Variants in CNTNAP2 observed in about 807,000 individuals in gnomAD.
CNTNAP2 encodes contactin associated protein 2.
In CNTNAP2, 98 loss-of-function variants were observed where a neutral mutation model predicts 155.2. The observed-to-expected ratio is 0.63, with a 90% CI of 0.54 to 0.75. The LOEUF (loss-of-function observed/expected upper bound fraction) is 0.75. CNTNAP2 is among the 30% of genes least tolerant of loss of function. CNTNAP2 has a pLI of 0.00. For synonymous variants in CNTNAP2, 651 were observed against 631.2 expected (o/e 1.03, Z -0.47); for missense variants, 1,727 against 1,688.1 (o/e 1.02, Z -0.40).
intron 13 of CNTNAP2, among the ~76,000 whole-genome samples, chr7:147,720,103 C>T (rs1270880996): frequency 1.3e-5 from 2 of 152,072 alleles, no homozygotes; most frequent in Non-Finnish European, 2.9e-5. Context: ...CCAAGATTCA[C>T]GTTTTATAAA....
intron 13 of CNTNAP2, among the ~76,000 whole-genome samples, chr7:147,854,458 T>C (rs957758450): frequency 7.2e-5 from 11 of 152,166 alleles, no homozygotes; most frequent in Non-Finnish European, 1.0e-4. Flanking sequence ...TCTTGTGACA[T>C]AGGCCCTTCA....
intron 16 of CNTNAP2, among the ~76,000 whole-genome samples, chr7:148,136,296 A>G (rs1804947330): frequency 6.6e-6 from 1 of 152,052 alleles, no homozygotes; most frequent in Admixed American, 6.6e-5. Context: ...CCTAGTGGAC[A>G]GTATTTGGGT....
At chr7:147,787,048 T>C (rs892688406) in intron 13 of CNTNAP2, among the ~76,000 whole-genome samples, 2 of 151,500 alleles carry the variant, frequency 1.3e-5, no homozygotes, top group African/African-American at 4.9e-5. Context: ...GACAAGACAG[T>C]AGAAAGATTT....
intron 9 of CNTNAP2, among the ~76,000 whole-genome samples, chr7:147,316,995 C>T (rs1266135027): frequency 1.3e-5 from 2 of 152,174 alleles, no homozygotes; most frequent in African/African-American, 4.8e-5. Context: ...TGTGCCATTG[C>T]CCTCCATCCA....
intron 8 of CNTNAP2, among the ~76,000 whole-genome samples, chr7:147,153,476 G>A (rs983442619): frequency 6.6e-6 from 1 of 152,062 alleles, no homozygotes; most frequent in African/African-American, 2.4e-5. Flanking sequence ...TAACAAAGGT[G>A]ATAAACCCAT....
intron 13 of CNTNAP2, among the ~76,000 whole-genome samples, chr7:147,880,854 GGTGTGTGTGT>G (rs71183032): frequency 2.7e-4 from 38 of 143,168 alleles, no homozygotes; most frequent in Admixed American, 6.3e-4. Context: ...ATTGGAGTTG[GGTGTGTGTGT>G]GTGTGTGTGT....
chr7:146,966,608 A>G (rs1269951065), intron 3 of CNTNAP2, among the ~76,000 whole-genome samples: 1 of 152,218 alleles, frequency 6.6e-6, no homozygotes, highest in Admixed American at 6.5e-5. Context: ...TCCTACAGAC[A>G]AATGATTCTT....
intron 11 of CNTNAP2, among the ~76,000 whole-genome samples, chr7:147,501,039 C>T (rs1798801477): frequency 6.6e-6 from 1 of 151,984 alleles, no homozygotes; most frequent in Admixed American, 6.6e-5. Context: ...ACACCAAGAT[C>T]AACTGGGATT....
At chr7:147,411,724 A>C (rs1188023084) in intron 10 of CNTNAP2, among the ~76,000 whole-genome samples, 1 of 152,120 alleles carries the variant, frequency 6.6e-6, no homozygotes, top group Non-Finnish European at 1.5e-5. Flanking sequence ...ATCATATCTC[A>C]TTAGCCAGAT....
At chr7:148,386,670 T>C (rs1799203457) in intron 22 of CNTNAP2, among the ~76,000 whole-genome samples, 1 of 152,178 alleles carries the variant, frequency 6.6e-6, no homozygotes, top group Admixed American at 6.5e-5. Flanking sequence ...GGAAGGTTAC[T>C]TAACAGCAGC....
chr7:146,952,764 C>G (rs1212165006), intron 3 of CNTNAP2, among the ~76,000 whole-genome samples: 1 of 151,946 alleles, frequency 6.6e-6, no homozygotes, highest in South Asian at 2.1e-4. Flanking sequence ...AACCACAGCT[C>G]AAGGAAATAA....
chr7:147,064,442 G>A (rs1277730334), intron 4 of CNTNAP2, among the ~76,000 whole-genome samples: 3 of 152,108 alleles, frequency 2.0e-5, no homozygotes, highest in Non-Finnish European at 4.4e-5. Context: ...TGAAAGGGTA[G>A]CATCTCACCT....
At chr7:146,647,612 G>C (rs1473710895) in intron 1 of CNTNAP2, among the ~76,000 whole-genome samples, 1 of 152,046 alleles carries the variant, frequency 6.6e-6, no homozygotes, top group Non-Finnish European at 1.5e-5. Context: ...AAATCACTGG[G>C]AAGCAACAAG....
At chr7:147,554,797 G>A (rs1799920408) in intron 11 of CNTNAP2, among the ~76,000 whole-genome samples, 4 of 151,862 alleles carry the variant, frequency 2.6e-5, no homozygotes, top group Admixed American at 1.3e-4. Context: ...ATGAGACAAT[G>A]GTTCCTAAGG....
intron 3 of CNTNAP2, among the ~76,000 whole-genome samples, chr7:146,921,081 G>GA (rs1563002651): frequency 6.6e-6 from 1 of 152,098 alleles, no homozygotes. Flanking sequence ...TCTAGAAAAG[G>GA]AAAAATTATA....
chr7:146,802,642 C>T (rs1307020020), intron 2 of CNTNAP2, among the ~76,000 whole-genome samples: 1 of 152,134 alleles, frequency 6.6e-6, no homozygotes, highest in Non-Finnish European at 1.5e-5. Context: ...ACGCATGCCT[C>T]ACCTTCACCA....
rs572074307 is a variant in CNTNAP2 at position 147,189,917 on chromosome 7, T to G, written c.1348+57408T>G. Among the ~76,000 whole-genome samples, 542 of 152,192 alleles carry G rather than the reference T, an allele frequency of 3.6e-3. 3 individuals are homozygous for G. Among genetic ancestry groups the G allele is most frequent in the African/African-American group, 0.013 (525 of 41,516 alleles). ...CCGCCACCACGCCCGGCTAATTTTT[T>G]GTATTTTTAGTAGAGATGGGGTTTC... On this transcript the variant is annotated intron_variant, in intron 8 of 23. Transcript: ENST00000361727.
At chr7:148,032,395 T>A (rs2116464219) in intron 15 of CNTNAP2, among the ~76,000 whole-genome samples, 1 of 152,240 alleles carries the variant, frequency 6.6e-6, no homozygotes, top group Middle Eastern at 3.4e-3. Flanking sequence ...CAACTCTGCA[T>A]GTGGTTGGTG....
chr7:146,319,815 C>T (rs1800969638), intron 1 of CNTNAP2, among the ~76,000 whole-genome samples: 1 of 152,166 alleles, frequency 6.6e-6, no homozygotes, highest in Admixed American at 6.5e-5. Context: ...GCTGTGTCTG[C>T]ATTCCCATCG....
Sources: gnomAD v4.1 joint callset for allele counts (sites outside exome capture counted in the v4.1 genomes callset) on GRCh38, gnomAD v4.1.1 for gene constraint, MANE v1.5 for transcripts, NCBI Gene and HGNC (gene_info 2026-07-23, HGNC 2026-07-21) for gene names.